DNAJB1: variants seen among roughly 807,000 people sequenced by gnomAD.
DNAJB1 encodes DnaJ heat shock protein family (Hsp40) member B1, also known as dnaJ homolog subfamily B member 1.
DNAJB1 carries 14 observed loss-of-function variants against 24.0 expected under a neutral mutation model. That is an observed-to-expected ratio of 0.58 (90% CI 0.39 to 0.91). DNAJB1 has a LOEUF of 0.91. Among genes scored for constraint, DNAJB1 ranks in the 40% least tolerant of loss-of-function variants. The pLI, the probability that DNAJB1 is intolerant of heterozygous loss-of-function variation, is 0.00. For missense variants in DNAJB1, 517 were observed against 458.1 expected, an observed-to-expected ratio of 1.13 and a Z score of -1.17; for synonymous variants, 262 against 174.4, an observed-to-expected ratio of 1.50 and a Z score of -3.96.
intron 2 of DNAJB1, among the ~76,000 whole-genome samples, chr19:14,524,215 C>T (rs1371096276): frequency 6.6e-6 from 1 of 152,140 alleles, no homozygotes; most frequent in East Asian, 1.9e-4. Flanking sequence ...CTCCTGTCTT[C>T]AGCTCTTCAC....
rs981110175 is a variant in DNAJB1, at chr19:14,515,086, G to A, written c.*854C>T. On this transcript the variant is annotated 3_prime_UTR_variant, in exon 3 of 3. Coordinates refer to ENST00000254322, the MANE Select transcript of DNAJB1 (RefSeq NM_006145.3). ...GAAGCAAAGACCCTTTTATCAAAAG[G>A]GATTGTATCTAGGGCTGTGCAAAAT... The A allele has an allele frequency of 2.0e-5, 3 of 152,566 alleles. No individual in the cohort carries two copies. Among genetic ancestry groups the A allele is most frequent in the African/African-American group, 7.2e-5 (3 of 41,432 alleles). 9.5% of individuals were successfully genotyped at this position (152,566 alleles called of 1,614,324 possible).
intron 1 of DNAJB1, chr19:14,545,028 C>G: frequency 2.2e-6 from 1 of 453,470 alleles, no homozygotes; most frequent in Non-Finnish European, 4.4e-6. Flanking sequence ...GTCCAAGCAC[C>G]TGAGTCTCTG....
chr19:14,533,734 C>T (rs556543232), upstream of DNAJB1, among the ~76,000 whole-genome samples: 1 of 152,290 alleles, frequency 6.6e-6, no homozygotes, highest in Admixed American at 6.5e-5. Flanking sequence ...GTTTTCCACT[C>T]TGTGGCCTAA....
chr19:14,516,282 G>A lies in DNAJB1; in HGVS notation c.793-112C>T, dbSNP rs530163176. 15 of 1,336,340 alleles carry A rather than the reference G, an allele frequency of 1.1e-5. 1 individual carries two copies. In the African/African-American group the frequency reaches 1.2e-4, roughly 11 times the overall value. The allele number at this position is 1,336,340 out of a possible 1,614,324, so 82.8% of individuals were successfully genotyped here. ...CATCAGGCCTCTGCAGCTAAGACCT[G>A]GCCCCCAAATCTACACGTCCCCACC... On this transcript the variant is annotated intron_variant, in intron 2 of 2. Transcript: ENST00000254322.
intron 1 of DNAJB1, among the ~76,000 whole-genome samples, chr19:14,538,166 C>G (rs2072971281): frequency 6.6e-6 from 1 of 152,200 alleles, no homozygotes; most frequent in Non-Finnish European, 1.5e-5. Flanking sequence ...AGCGACTTGT[C>G]CACAGCTAGT....
upstream of DNAJB1, among the ~76,000 whole-genome samples, chr19:14,554,503 C>G (rs986265988): frequency 6.6e-6 from 1 of 152,152 alleles, no homozygotes; most frequent in African/African-American, 2.4e-5. Flanking sequence ...TGTTTACAGC[C>G]GGGAGAGGAC....
upstream of DNAJB1, among the ~76,000 whole-genome samples, chr19:14,520,037 C>G (rs966710856): frequency 2.6e-5 from 4 of 152,136 alleles, no homozygotes; most frequent in African/African-American, 9.7e-5. Flanking sequence ...CATTTCCCGG[C>G]TGGGTAACCT....
At chr19:14,517,320 G>A (rs746327822) in intron 1 of DNAJB1, 57 of 407,744 alleles carry the variant, frequency 1.4e-4, no homozygotes, top group Admixed American at 3.6e-4. Flanking sequence ...CTCCTGGACT[G>A]ACCCATCCTC....
chr19:14,551,979 CT>C (rs754053975), upstream of DNAJB1, among the ~76,000 whole-genome samples: 332 of 89,680 alleles, frequency 3.7e-3, 3 homozygotes, highest in African/African-American at 0.011. Context: ...CTCTTTCTCT[CT>C]TTTTTTTTTT....
upstream of DNAJB1, among the ~76,000 whole-genome samples, chr19:14,521,789 T>C (rs1166061281): frequency 6.6e-6 from 1 of 152,138 alleles, no homozygotes; most frequent in East Asian, 1.9e-4. Context: ...GCCTGGCTAA[T>C]TTTTGTAGTT....
chr19:14,525,334 T>A (rs10407960), intron 2 of DNAJB1, among the ~76,000 whole-genome samples: 2 of 5,460 alleles, frequency 3.7e-4, no homozygotes, highest in Admixed American at 9.9e-4. Flanking sequence ...ACTTTTTTTG[T>A]TTTTTTTTTT....
chr19:14,556,902 CTG>C (rs1420626697), intron 1 of DNAJB1, among the ~76,000 whole-genome samples: 1 of 152,170 alleles, frequency 6.6e-6, no homozygotes, highest in African/African-American at 2.4e-5. Flanking sequence ...AGCTCGGCCT[CTG>C]CACCGAAAGT....
In DNAJB1 at chr19:14,557,914, C is replaced by A. The variant is rs535204094; in HGVS notation, c.-2166+2117G>T. Among the ~76,000 whole-genome samples the A allele has an allele frequency of 8.5e-5, 13 of 152,134 alleles. No homozygotes were observed. In the South Asian group the frequency reaches 1.7e-3, roughly 19 times the overall value. ...GGGACTACAGGCACCCACCACCGCACCCGGCTAATTTTTTGTATTTTTAGT... is the reference window on the plus strand; with the variant it reads ...GGGACTACAGGCACCCACCACCGCAACCGGCTAATTTTTTGTATTTTTAGT... On this transcript the variant is annotated intron_variant, in intron 1 of 5. Coordinates refer to the DNAJB1 transcript ENST00000679223.
intron 1 of DNAJB1, chr19:14,545,059 T>C: frequency 2.2e-6 from 1 of 456,562 alleles, no homozygotes; most frequent in Non-Finnish European, 4.4e-6. Flanking sequence ...TTTCTAAGCC[T>C]CTCACCACTG....
intron 1 of DNAJB1, among the ~76,000 whole-genome samples, chr19:14,559,850 T>TC (rs1430102471): frequency 6.6e-6 from 1 of 151,198 alleles, no homozygotes; most frequent in Non-Finnish European, 1.5e-5. Flanking sequence ...GGTCTCCTGC[T>TC]CCCCCCAGAG....
chr19:14,534,994 C>T (rs921117251), intron 1 of DNAJB1, among the ~76,000 whole-genome samples: 12 of 152,164 alleles, frequency 7.9e-5, no homozygotes, highest in Middle Eastern at 3.4e-3. Context: ...CGAGGTGCTG[C>T]GGGTCAGTGT....
In DNAJB1 at chr19:14,516,337, G is replaced by A. The variant is rs530805017; in HGVS notation, c.792+129C>T. The A allele has an allele frequency of 8.7e-5, 111 of 1,282,634 alleles. No homozygotes were observed. In the South Asian group the frequency reaches 1.1e-3, roughly 12 times the overall value. The allele number at this position is 1,282,634 out of a possible 1,614,324, so 79.5% of individuals were successfully genotyped here. On this transcript the variant is annotated intron_variant, in intron 2 of 2. Coordinates refer to ENST00000254322, the MANE Select transcript of DNAJB1 (RefSeq NM_006145.3). ...AAGCTCCACAACAGCGCCCTGGTCA[G>A]TCCTGTTCACTGTTGTGCCCCAAGC... is the stretch of plus-strand genomic sequence containing the variant.
chr19:14,542,347 GTTTTTTTT>G (rs71166754), intron 1 of DNAJB1, among the ~76,000 whole-genome samples: 20 of 43,298 alleles, frequency 4.6e-4, no homozygotes, highest in African/African-American at 9.7e-4. Context: ...ATGCCATAGT[GTTTTTTTT>G]TTTTTTTTTT....
intron 1 of DNAJB1, chr19:14,517,679 TCCCAACCCAGCC>T (rs148418666): frequency 0.044 from 6,957 of 156,600 alleles, 191 homozygotes; most frequent in Non-Finnish European, 0.058. Context: ...CCGGGAATTA[TCCCAACCCAGCC>T]CCCAAGCCCA....
Sources: allele counts gnomAD v4.1 joint callset (sites outside exome capture counted in the v4.1 genomes callset), GRCh38; gene constraint gnomAD v4.1.1; transcripts MANE v1.5; gene names NCBI Gene and HGNC (gene_info 2026-07-23, HGNC 2026-07-21).